SEPTIN11: variants seen among roughly 807,000 people sequenced by gnomAD.
The protein encoded by SEPTIN11 is septin 11.
SEPTIN11 carries 25 observed loss-of-function variants against 51.4 expected under a neutral mutation model. That is an observed-to-expected ratio of 0.49 (90% CI 0.35 to 0.68). The LOEUF (loss-of-function observed/expected upper bound fraction) is 0.68, where lower values mean the gene tolerates loss of function less well. Among genes scored for constraint, SEPTIN11 ranks in the 30% least tolerant of loss-of-function variants. The probability of loss-of-function intolerance (pLI) is 0.00; values close to 1 mark genes in which losing one functional copy is unlikely to be tolerated. For missense variants in SEPTIN11, 381 were observed against 520.8 expected (o/e 0.73, Z 2.61); for synonymous variants, 174 against 184.1 (o/e 0.95, Z 0.44).
chr4:76,967,881 T>A (rs910577712), intron 1 of SEPTIN11, among the ~76,000 whole-genome samples: 24 of 152,052 alleles, frequency 1.6e-4, no homozygotes, highest in Non-Finnish European at 3.4e-4. Context: ...TATAGATTGG[T>A]TGAGGACAAC....
chr4:77,020,938 A>G (rs1375754624), intron 7 of SEPTIN11: 5 of 387,690 alleles, frequency 1.3e-5, no homozygotes, highest in African/African-American at 8.2e-5. Context: ...AGGTCCTCCA[A>G]GTAGTAAACA....
At position 76,984,237 on chromosome 4, in the gene SEPTIN11, C is replaced by T. The variant is rs935422814; in HGVS notation, c.28-12188C>T. On this transcript the variant is annotated intron_variant, in intron 1 of 9. Transcript: ENST00000264893. This position sits in a 1 kb window ranked among gnomAD's most constrained non-coding sequence, Gnocchi z 4.1. ...AGCCTGGATTAGGAACTGAACATGC[C>T]TTGGGAGGAGAAAGCAGCCAGGTTG... Among the ~76,000 whole-genome samples, 131 of 152,214 alleles carry T rather than the reference C, an allele frequency of 8.6e-4. No individual in the cohort carries two copies. The highest frequency in any genetic ancestry group is 3.0e-3 in the African/African-American group (125 of 41,530).
At chr4:76,993,604 T>G (rs144457481) in intron 1 of SEPTIN11, among the ~76,000 whole-genome samples, 55 of 152,302 alleles carry the variant, frequency 3.6e-4, no homozygotes, top group African/African-American at 1.1e-3. Context: ...CTCTCCAGTT[T>G]TTAAGCCTGT....
At chr4:77,018,197 TC>T (rs763761993) in intron 5 of SEPTIN11, among the ~76,000 whole-genome samples, 1 of 149,784 alleles carries the variant, frequency 6.7e-6, no homozygotes, top group Non-Finnish European at 1.5e-5. Flanking sequence ...TTCGGAGTAA[TC>T]CCAGCACTTT....
intron 5 of SEPTIN11, among the ~76,000 whole-genome samples, chr4:77,018,173 C>G (rs992039607): frequency 6.6e-5 from 10 of 151,920 alleles, no homozygotes; most frequent in African/African-American, 2.2e-4. Flanking sequence ...GGCACGGTGA[C>G]TCACGCCAGC....
At chr4:76,959,826 AGT>A (rs1721751048) in intron 1 of SEPTIN11, among the ~76,000 whole-genome samples, 1 of 152,118 alleles carries the variant, frequency 6.6e-6, no homozygotes, top group Admixed American at 6.6e-5. Flanking sequence ...TTTCCCTAAG[AGT>A]GTTTATTTTA....
intron 1 of SEPTIN11, among the ~76,000 whole-genome samples, chr4:76,954,093 A>G (rs1406517087): frequency 2.6e-5 from 4 of 152,234 alleles, no homozygotes; most frequent in Non-Finnish European, 5.9e-5. Flanking sequence ...TGCAAAAGGA[A>G]CAAATGATTG....
intron 7 of SEPTIN11, 39 bp from the exon 8 acceptor site, chr4:77,028,590 A>G (rs762557043): frequency 1.9e-6 from 3 of 1,544,912 alleles, no homozygotes; most frequent in South Asian, 2.6e-5. Context: ...TTAGTATACA[A>G]TTTCATGATG....
Position 76,994,575 on chromosome 4 carries a change from G to C in SEPTIN11, c.28-1850G>C, listed in dbSNP as rs71607396. 6.9e-4 allele frequency among the ~76,000 whole-genome samples: 105 copies of C among 152,354 alleles called. 1 individual carries two copies. The highest frequency in any genetic ancestry group is 6.8e-3 in the Middle Eastern group (2 of 294). ...GAAACTATTCATAGACTAGACATCT[G>C]TTGTCTGTCCCATTGACCTCAAATC... is the stretch of plus-strand genomic sequence containing the variant. On this transcript the variant is annotated intron_variant, in intron 1 of 9. Coordinates refer to ENST00000264893, the MANE Select transcript of SEPTIN11 (RefSeq NM_018243.4).
chr4:77,016,595 C>CACACATATATATATAT (rs1725253838), intron 5 of SEPTIN11, among the ~76,000 whole-genome samples: 1 of 104,418 alleles, frequency 9.6e-6, no homozygotes, highest in African/African-American at 3.7e-5. Flanking sequence ...TATATATACA[C>CACACATATATATATAT]ACACATATAT....
chr4:77,012,115 CA>C (rs199819432), intron 4 of SEPTIN11, among the ~76,000 whole-genome samples, 194 bp downstream of exon 4: 1,450 of 84,618 alleles, frequency 0.017, 9 homozygotes, highest in South Asian at 0.051. Context: ...ACAAAACTAG[CA>C]AAAAAAAAAA....
chr4:77,038,772 C>CA (rs1191190378), downstream of SEPTIN11, among the ~76,000 whole-genome samples: 1 of 152,142 alleles, frequency 6.6e-6, no homozygotes, highest in East Asian at 1.9e-4. Context: ...ACCAGTTTCT[C>CA]AAAGATACGT....
rs116429666 is a variant in SEPTIN11, at chr4:76,983,572, A to G, written c.28-12853A>G. 2.0e-3 allele frequency among the ~76,000 whole-genome samples: 299 copies of G among 152,370 alleles called. 2 individuals carry two copies. The highest frequency in any genetic ancestry group is 6.5e-3 in the African/African-American group (272 of 41,588). ...GTTGTGACCTATGAAACTGACTGCT[A>G]ATAAATGGATGTTGTTTCAAGCCAC... is the stretch of plus-strand genomic sequence containing the variant. On this transcript the variant is annotated intron_variant, in intron 1 of 9. Coordinates refer to ENST00000264893, the MANE Select transcript of SEPTIN11 (RefSeq NM_018243.4).
chr4:76,981,516 C>G (rs1021608400), intron 1 of SEPTIN11, among the ~76,000 whole-genome samples: 1 of 152,222 alleles, frequency 6.6e-6, no homozygotes, highest in African/African-American at 2.4e-5. Context: ...CCAACTTTCT[C>G]TTACACCTAG....
In SEPTIN11 at chr4:77,014,948, C is replaced by G; in HGVS notation, c.618C>G (p.Ser206Arg). The change falls in exon 5 of 10, where the codon AGC becomes AGG. Residue 206 changes from serine to arginine, a missense_variant. Transcript: ENST00000264893. Reference protein sequence around the residue: ...FKSKIMSELVSNGVQIYQFPT... With the variant: ...FKSKIMSELVRNGVQIYQFPT... ...GTAAGATCATGAGTGAACTGGTCAGCAATGGGGTCCAGATATATCAGTTTC... is the reference window on the plus strand; with the variant it reads ...GTAAGATCATGAGTGAACTGGTCAGGAATGGGGTCCAGATATATCAGTTTC... 6.2e-7 allele frequency: 1 copy of G among 1,614,106 alleles called. No homozygotes were observed. Among genetic ancestry groups the G allele is most frequent in the Non-Finnish European group, 8.5e-7 (1 of 1,179,996 alleles).
chr4:77,011,860 C>G lies in SEPTIN11; in HGVS notation c.464C>G (p.Ala155Gly), dbSNP rs1489098591. ...ATCCATGCCTGCCTCTACTTTATTG[C>G]CCCTACTGGACATTCACTAAAGTCC... ...TRIHACLYFI[A>G]PTGHSLKSLD... Residue 155 changes from alanine to glycine, a missense_variant, in exon 4 of 10, where the codon GCC becomes GGC. Ala to Gly is a moderately conservative substitution (Grantham distance 60). Transcript: ENST00000264893. The G allele has an allele frequency of 6.2e-7, 1 of 1,614,054 alleles. No homozygotes were observed. The highest frequency in any genetic ancestry group is 1.7e-5 in the Admixed American group (1 of 60,018).
At chr4:77,016,959 C>T (rs1725355588) in intron 5 of SEPTIN11, among the ~76,000 whole-genome samples, 1 of 151,892 alleles carries the variant, frequency 6.6e-6, no homozygotes, top group African/African-American at 2.4e-5. Context: ...GATTTGAGCA[C>T]CTGCAGATTT....
At chr4:76,983,872 G>T (rs1358115687) in intron 1 of SEPTIN11, among the ~76,000 whole-genome samples, 1 of 152,180 alleles carries the variant, frequency 6.6e-6, no homozygotes, top group East Asian at 1.9e-4. Context: ...GCTGGGCGTG[G>T]TGGCAGGTGC....
chr4:76,967,740 G>GT lies in SEPTIN11; in HGVS notation c.27+17823dup, dbSNP rs34274962. On this transcript the variant is annotated intron_variant, in intron 1 of 9. Transcript: ENST00000264893. ...TATTTGAATAAAGGAACCATTAATA[G>GT]TTTTTTTTTTTTTGGTATGCCTTTT... 7.4e-3 allele frequency among the ~76,000 whole-genome samples: 1,104 copies of GT among 149,110 alleles called. 9 individuals are homozygous for GT. Among genetic ancestry groups the GT allele is most frequent in the African/African-American group, 0.023 (921 of 40,438 alleles).
Sources: gnomAD v4.1 joint callset for allele counts (sites outside exome capture counted in the v4.1 genomes callset) on GRCh38, gnomAD v4.1.1 for gene constraint, Gnocchi (gnomAD v3.1) non-coding constraint, MANE v1.5 for transcripts, NCBI Gene and HGNC (gene_info 2026-07-23, HGNC 2026-07-21) for gene names.